The following PTPRM variants were observed in gnomAD, a reference collection of about 807,000 sequenced individuals.
The protein encoded by PTPRM is protein tyrosine phosphatase receptor type M.
PTPRM carries 47 observed loss-of-function variants against 186.7 expected under a neutral mutation model. The ratio of observed to expected loss-of-function variants is 0.25; its 90% CI spans 0.20 to 0.32. PTPRM has a LOEUF of 0.32. PTPRM is among the 10% of genes least tolerant of loss of function. The pLI, the probability that PTPRM is intolerant of heterozygous loss-of-function variation, is 1.00. For missense variants in PTPRM, 1,494 were observed against 1,865.0 expected (o/e 0.80, Z 3.66); for synonymous variants, 668 against 674.9 (o/e 0.99, Z 0.16).
chr18:8,028,684 T>G (rs1255588743), intron 7 of PTPRM, among the ~76,000 whole-genome samples: 5 of 152,204 alleles, frequency 3.3e-5, no homozygotes, highest in Admixed American at 1.3e-4. Flanking sequence ...AAATACTTAC[T>G]ATATCAGACA....
At chr18:8,287,044 G>A (rs1280313941) in intron 19 of PTPRM, among the ~76,000 whole-genome samples, 1 of 151,734 alleles carries the variant, frequency 6.6e-6, no homozygotes, top group Non-Finnish European at 1.5e-5. Flanking sequence ...CCGAGGTGAG[G>A]ACATTTAAAA....
intron 3 of PTPRM, 71 bp from the exon 4 acceptor site, chr18:7,906,432 CTT>C (rs2049987080): frequency 8.8e-7 from 1 of 1,139,048 alleles, no homozygotes; most frequent in Non-Finnish European, 1.3e-6. Context: ...AATTATGTGT[CTT>C]ATATATAGGA....
At chr18:8,176,771 C>T (rs749866026) in intron 14 of PTPRM, among the ~76,000 whole-genome samples, 22 of 152,208 alleles carry the variant, frequency 1.4e-4, no homozygotes, top group Non-Finnish European at 2.6e-4. Context: ...GGAAAAAGAT[C>T]AAGGTCAGTG....
At chr18:7,851,030 C>T (rs560274536) in intron 2 of PTPRM, among the ~76,000 whole-genome samples, 1 of 152,136 alleles carries the variant, frequency 6.6e-6, no homozygotes, top group East Asian at 1.9e-4. Flanking sequence ...AGAACTAATT[C>T]TGTTAAAAAG....
chr18:7,992,271 A>G (rs9945054), intron 7 of PTPRM, among the ~76,000 whole-genome samples: 1 of 152,116 alleles, frequency 6.6e-6, no homozygotes, highest in Non-Finnish European at 1.5e-5. Flanking sequence ...CTATCTGCCT[A>G]TATCATTCAC....
chr18:7,599,602 T>A (rs978010327), intron 1 of PTPRM, among the ~76,000 whole-genome samples: 1 of 152,184 alleles, frequency 6.6e-6, no homozygotes, highest in African/African-American at 2.4e-5. Flanking sequence ...ACAGCAGAGT[T>A]TCTGCAACCT....
At chr18:8,039,615 C>T (rs552936357) in intron 7 of PTPRM, among the ~76,000 whole-genome samples, 110 of 152,144 alleles carry the variant, frequency 7.2e-4, no homozygotes, top group African/African-American at 2.5e-3. Flanking sequence ...GGAATGGCTA[C>T]GTTAAGCAAA....
Position 8,055,531 on chromosome 18 carries a change from C to T in PTPRM, c.1133-14155C>T, listed in dbSNP as rs1042709051. ...TTTTAAAATTGGTCATTTTCAGTGA[C>T]GTATTACATGTTCATTTTTAGAATT... On this transcript the variant is annotated intron_variant, in intron 7 of 32. Transcript: ENST00000580170. Among the ~76,000 whole-genome samples the T allele has an allele frequency of 2.6e-5, 4 of 152,140 alleles. No homozygotes were observed. The South Asian group carries it at 8.3e-4, about 32-fold the overall frequency.
chr18:7,800,266 T>G (rs2043887332), intron 2 of PTPRM, among the ~76,000 whole-genome samples: 1 of 152,188 alleles, frequency 6.6e-6, no homozygotes, highest in South Asian at 2.1e-4. Flanking sequence ...GGTGGAAATA[T>G]TAACAGCCAT....
At chr18:7,766,687 G>T (rs2042031148) in intron 1 of PTPRM, among the ~76,000 whole-genome samples, 1 of 152,184 alleles carries the variant, frequency 6.6e-6, no homozygotes. Context: ...GACCTGCCAG[G>T]GAGCTCAGGG....
chr18:8,353,168 A>C (rs2095545243), intron 23 of PTPRM, among the ~76,000 whole-genome samples: 1 of 152,186 alleles, frequency 6.6e-6, no homozygotes. Flanking sequence ...AGATGGAGAA[A>C]GAGCTAGTGG....
chr18:7,903,249 G>A (rs1013082927), intron 3 of PTPRM, among the ~76,000 whole-genome samples: 36 of 152,182 alleles, frequency 2.4e-4, no homozygotes, highest in African/African-American at 8.4e-4. Flanking sequence ...AGGATGGCAG[G>A]TGGGATGAAG....
intron 1 of PTPRM, among the ~76,000 whole-genome samples, chr18:7,771,958 G>A (rs1395451522): frequency 1.3e-5 from 2 of 152,246 alleles, no homozygotes; most frequent in African/African-American, 2.4e-5. Context: ...AAAGTGGAGA[G>A]ATGACTCAGT....
At chr18:7,889,570 C>T (rs2048964443) in intron 3 of PTPRM, among the ~76,000 whole-genome samples, 2 of 151,928 alleles carry the variant, frequency 1.3e-5, no homozygotes, top group South Asian at 2.1e-4. Context: ...AACTTCTGGT[C>T]GCAGGTGATC....
chr18:7,646,044 G>A (rs959945829), intron 1 of PTPRM, among the ~76,000 whole-genome samples: 2 of 152,114 alleles, frequency 1.3e-5, no homozygotes, highest in Non-Finnish European at 2.9e-5. Context: ...GAGCTCTGTG[G>A]GGAACCCATT....
chr18:8,145,161 AG>A (rs2092852771), intron 14 of PTPRM, among the ~76,000 whole-genome samples: 1 of 152,222 alleles, frequency 6.6e-6, no homozygotes, highest in Non-Finnish European at 1.5e-5. Flanking sequence ...GTTAAATTTT[AG>A]TAGCCATTTG....
At chr18:7,980,348 C>A (rs1375371105) in intron 7 of PTPRM, among the ~76,000 whole-genome samples, 1 of 151,994 alleles carries the variant, frequency 6.6e-6, no homozygotes, top group Non-Finnish European at 1.5e-5. Context: ...TCTGCTGCCC[C>A]CTAGAGTTGC....
chr18:7,946,389 T>G (rs1000582576), intron 5 of PTPRM, among the ~76,000 whole-genome samples: 1 of 152,254 alleles, frequency 6.6e-6, no homozygotes, highest in Non-Finnish European at 1.5e-5. Flanking sequence ...CTTTGGTTGT[T>G]GTTAGCAAAC....
intron 19 of PTPRM, among the ~76,000 whole-genome samples, chr18:8,278,642 C>T (rs2147710970): frequency 6.6e-6 from 1 of 152,208 alleles, no homozygotes; most frequent in African/African-American, 2.4e-5. Flanking sequence ...TGGGTATGTG[C>T]AAAATTGCAT....
Sources: gnomAD v4.1 joint callset for allele counts (sites outside exome capture counted in the v4.1 genomes callset) on GRCh38, gnomAD v4.1.1 for gene constraint, MANE v1.5 for transcripts, NCBI Gene and HGNC (gene_info 2026-07-23, HGNC 2026-07-21) for gene names.